FAM114A1: variants seen among roughly 807,000 people sequenced by gnomAD.
The protein encoded by FAM114A1 is family with sequence similarity 114 member A1, also known as protein NOXP20.
Under a neutral mutation model 64.3 loss-of-function variants are expected in FAM114A1, and 62 were observed. The ratio of observed to expected loss-of-function variants is 0.96; its 90% confidence interval spans 0.79 to 1.19. FAM114A1 has a LOEUF of 1.19. Ranked by LOEUF, FAM114A1 falls within the 50% of genes most tolerant of loss-of-function variation. FAM114A1 has a pLI of 0.00. For synonymous variants in FAM114A1, 254 were observed against 251.1 expected, an observed-to-expected ratio of 1.01 and a Z score of -0.11; for missense variants, 645 against 676.3, an observed-to-expected ratio of 0.95 and a Z score of 0.51.
intron 7 of FAM114A1, among the ~76,000 whole-genome samples, chr4:38,912,465 ACCT>A (rs370565702): frequency 2.7e-4 from 41 of 151,938 alleles, no homozygotes; most frequent in African/African-American, 9.2e-4. Context: ...GCTCACTGCA[ACCT>A]CCTCCTCTTG....
chr4:38,906,546 T>A lies in FAM114A1; in HGVS notation c.657+685T>A, dbSNP rs1230529261. On this transcript the variant is annotated intron_variant, in intron 6 of 14. Transcript: ENST00000358869. ...AGATTTATTTTGTTTTTTCTTTTGT[T>A]TTTTTGAGATGGAGTCTCACTCTTG... Among the ~76,000 whole-genome samples the A allele has an allele frequency of 7.9e-5, 12 of 152,320 alleles. No homozygotes were observed. In the East Asian group the frequency reaches 2.3e-3, roughly 29 times the overall value.
At chr4:38,903,157 C>G (rs1011313149) in intron 4 of FAM114A1, among the ~76,000 whole-genome samples, 1 of 152,054 alleles carries the variant, frequency 6.6e-6, no homozygotes, top group Non-Finnish European at 1.5e-5. Flanking sequence ...ATTTTGATGT[C>G]TGTTAAATAG....
At chr4:38,883,520 G>A (rs1434223171) in intron 3 of FAM114A1, among the ~76,000 whole-genome samples, 3 of 152,122 alleles carry the variant, frequency 2.0e-5, no homozygotes, top group Non-Finnish European at 2.9e-5. Context: ...CAACACCAAC[G>A]CATAAGGCCG....
intron 3 of FAM114A1, among the ~76,000 whole-genome samples, chr4:38,879,377 G>A (rs1714984250): frequency 6.6e-6 from 1 of 152,140 alleles, no homozygotes; most frequent in Non-Finnish European, 1.5e-5. Context: ...AGGGGCCCTG[G>A]GCATTCACCC....
rs1221243904 is a variant in FAM114A1 at position 38,878,104 on chromosome 4, T to G, written c.26T>G (p.Leu9Ter). The G allele has an allele frequency of 3.7e-6, 6 of 1,612,106 alleles. No individual in the cohort carries two copies. The highest frequency in any genetic ancestry group is 4.2e-6 in the Non-Finnish European group (5 of 1,178,578). MSDDAGDTLATGDKAEVTE... is the reference protein window; with the variant it reads MSDDAGDT ...ATGTCTGATGATGCTGGTGACACCT[T>G]AGCCACTGGAGACAAAGCAGAAGTT... The change falls in exon 3 of 15, where the codon TTA becomes TGA. Residue 9 changes from leucine (L) to a stop codon, truncating the protein, a stop_gained. Transcript: ENST00000358869. LOFTEE classifies it high-confidence loss of function.
At chr4:38,896,292 A>G (rs1158088194) in intron 4 of FAM114A1, among the ~76,000 whole-genome samples, 2 of 152,222 alleles carry the variant, frequency 1.3e-5, no homozygotes, top group African/African-American at 2.4e-5. Context: ...CAATAGAAGT[A>G]TAACTGAAAA....
chr4:38,889,007 T>C (rs1716077876), intron 3 of FAM114A1, among the ~76,000 whole-genome samples: 1 of 152,242 alleles, frequency 6.6e-6, no homozygotes, highest in Admixed American at 6.5e-5. Context: ...GATCAAGAAG[T>C]CACAGCTCAA....
intron 3 of FAM114A1, among the ~76,000 whole-genome samples, chr4:38,890,460 C>A (rs1277842582): frequency 6.6e-6 from 1 of 151,584 alleles, no homozygotes; most frequent in African/African-American, 2.4e-5. Flanking sequence ...ACTAATGGAC[C>A]AGCTGTGAGT....
chr4:38,908,799 A>G, intron 7 of FAM114A1, 73 bp downstream of exon 7: 2 of 1,375,224 alleles, frequency 1.5e-6, no homozygotes, highest in South Asian at 1.6e-5. Context: ...ATCTTTTTGA[A>G]TAGCTCATTT....
At chr4:38,929,418 T>C in intron 10 of FAM114A1, 85 bp downstream of exon 10, 1 of 1,034,466 alleles carries the variant, frequency 9.7e-7, no homozygotes, top group African/African-American at 1.6e-5. Context: ...GAGATGCACC[T>C]GAAATGGAAA....
At chr4:38,943,377 G>A in intron 14 of FAM114A1, 79 bp from the exon 15 acceptor site, 1 of 1,245,154 alleles carries the variant, frequency 8.0e-7, no homozygotes, top group Non-Finnish European at 1.2e-6. Flanking sequence ...TTGAAGAGTG[G>A]GAACATTATC....
At chr4:38,943,375 TG>T in intron 14 of FAM114A1, 80 bp from the exon 15 acceptor site, 1 of 1,219,202 alleles carries the variant, frequency 8.2e-7, no homozygotes, top group South Asian at 1.2e-5. Flanking sequence ...GGTTGAAGAG[TG>T]GGAACATTAT....
At chr4:38,921,885 T>C (rs986429388) in intron 8 of FAM114A1, among the ~76,000 whole-genome samples, 4 of 118,444 alleles carry the variant, frequency 3.4e-5, no homozygotes, top group East Asian at 3.4e-4. Context: ...TATATGTGCA[T>C]CTATAGATGC....
intron 1 of FAM114A1, chr4:38,868,042 TG>T: frequency 2.3e-6 from 1 of 426,598 alleles, no homozygotes; most frequent in South Asian, 1.6e-5. Context: ...GGGACCTGCG[TG>T]GGTGCGGGCG....
At chr4:38,877,950 G>C in intron 2 of FAM114A1, 121 bp from the exon 3 acceptor site, 1 of 795,372 alleles carries the variant, frequency 1.3e-6, no homozygotes. Flanking sequence ...GGCAACAAGA[G>C]CGAAACTCCG....
chr4:38,911,047 G>T (rs1718483522), intron 7 of FAM114A1, among the ~76,000 whole-genome samples: 1 of 152,202 alleles, frequency 6.6e-6, no homozygotes, highest in Non-Finnish European at 1.5e-5. Context: ...CAGGGAGACT[G>T]GTTAGAGTGA....
intron 1 of FAM114A1, 155 bp downstream of exon 1, chr4:38,867,989 G>T (rs766592386): frequency 1.3e-5 from 5 of 392,218 alleles, no homozygotes; most frequent in African/African-American, 2.1e-5. Flanking sequence ...AGTGGTCAGG[G>T]AGGACCCGGC....
chr4:38,905,686 C>T, intron 5 of FAM114A1, 51 bp downstream of exon 5: 1 of 1,606,542 alleles, frequency 6.2e-7, no homozygotes, highest in Non-Finnish European at 8.5e-7. Context: ...ACACCATGTG[C>T]ATAATCAGAG....
At chr4:38,919,618 C>G (rs1383664021) in intron 8 of FAM114A1, among the ~76,000 whole-genome samples, 2 of 152,182 alleles carry the variant, frequency 1.3e-5, no homozygotes, top group Non-Finnish European at 2.9e-5. Context: ...GTGTTGAAGC[C>G]TAAAGGCAGT....
Sources: allele counts gnomAD v4.1 joint callset (sites outside exome capture counted in the v4.1 genomes callset), GRCh38; gene constraint gnomAD v4.1.1; transcripts MANE v1.5; gene names NCBI Gene and HGNC (gene_info 2026-07-23, HGNC 2026-07-21).